The following ABTB3 variants were observed in gnomAD, a reference collection of about 807,000 sequenced individuals.
ABTB3 encodes the protein ankyrin repeat and BTB domain containing 3.
the ABTB3 span, among the ~76,000 whole-genome samples, chr12:107,333,471 A>G: frequency 8.2e-4 from 125 of 152,312 alleles, no homozygotes; most frequent in African/African-American, 3.0e-3. Flanking sequence ...AGAAGAGGAC[A>G]TGAGGCCCAC....
chr12:107,561,940 G>A, the ABTB3 span, among the ~76,000 whole-genome samples: 24 of 152,228 alleles, frequency 1.6e-4, no homozygotes, highest in Admixed American at 7.2e-4. Context: ...TTCAACTGTG[G>A]CTGATTTAGA....
the ABTB3 span, among the ~76,000 whole-genome samples, chr12:107,363,960 G>C: frequency 2.0e-5 from 3 of 152,198 alleles, no homozygotes; most frequent in Non-Finnish European, 2.9e-5. Flanking sequence ...CTTTGCTTTA[G>C]TTTCTTTTCT....
chr12:107,488,617 C>T, the ABTB3 span, among the ~76,000 whole-genome samples: 2 of 151,644 alleles, frequency 1.3e-5, no homozygotes, highest in African/African-American at 2.4e-5. Context: ...TTGAAGATTT[C>T]TGAGCAAGGA....
the ABTB3 span, among the ~76,000 whole-genome samples, chr12:107,447,052 C>A: frequency 2.0e-5 from 3 of 152,224 alleles, no homozygotes; most frequent in Non-Finnish European, 4.4e-5. Flanking sequence ...CCAGAGCAGT[C>A]GGTTCCAGAA....
the ABTB3 span, among the ~76,000 whole-genome samples, chr12:107,582,404 G>A: frequency 5.9e-5 from 9 of 152,130 alleles, no homozygotes; most frequent in Non-Finnish European, 1.2e-4. Flanking sequence ...AATAGAGTCA[G>A]GATATGAATT....
the ABTB3 span, among the ~76,000 whole-genome samples, chr12:107,503,575 T>G: frequency 6.6e-6 from 1 of 151,536 alleles, no homozygotes; most frequent in African/African-American, 2.4e-5. Context: ...CTGGACAACA[T>G]GATGAGACCC....
At chr12:107,486,916 T>C in the ABTB3 span, among the ~76,000 whole-genome samples, 1 of 152,122 alleles carries the variant, frequency 6.6e-6, no homozygotes, top group Non-Finnish European at 1.5e-5. Context: ...ATAACTTTCT[T>C]ACAGTCACAC....
At chr12:107,318,951 G>A in the ABTB3 span, 1 of 1,607,050 alleles carries the variant, frequency 6.2e-7, no homozygotes, top group South Asian at 1.1e-5. Flanking sequence ...ATGGCCAGGA[G>A]AGGTAAGAAG....
At chr12:107,623,992 A>T in the ABTB3 span, among the ~76,000 whole-genome samples, 1 of 152,146 alleles carries the variant, frequency 6.6e-6, no homozygotes, top group South Asian at 2.1e-4. Flanking sequence ...CCATGCAGAG[A>T]TCTAGGGCAA....
chr12:107,492,064 T>C, the ABTB3 span, among the ~76,000 whole-genome samples: 2 of 152,006 alleles, frequency 1.3e-5, no homozygotes, highest in Non-Finnish European at 2.9e-5. Flanking sequence ...TCGTGTTGAT[T>C]GGCTGAAGAA....
At chr12:107,431,781 G>A in the ABTB3 span, among the ~76,000 whole-genome samples, 1 of 152,208 alleles carries the variant, frequency 6.6e-6, no homozygotes, top group East Asian at 1.9e-4. Flanking sequence ...CCCTGAGGAT[G>A]ACCCTGTATG....
At chr12:107,585,976 C>T in the ABTB3 span, among the ~76,000 whole-genome samples, 48,539 of 151,996 alleles carry the variant, frequency 0.32, 8,907 homozygotes, top group African/African-American at 0.51. Context: ...TGCCCAGGAC[C>T]TAAATGTCAC....
At chr12:107,471,307 G>C in the ABTB3 span, among the ~76,000 whole-genome samples, 2 of 152,198 alleles carry the variant, frequency 1.3e-5, no homozygotes, top group Non-Finnish European at 2.9e-5. Flanking sequence ...GCAAGTGGTG[G>C]AGATAAGAGA....
At chr12:107,586,171 C>T in the ABTB3 span, among the ~76,000 whole-genome samples, 1 of 152,144 alleles carries the variant, frequency 6.6e-6, no homozygotes, top group African/African-American at 2.4e-5. Context: ...GGTCATGCTC[C>T]TGCTTTAAAG....
chr12:107,413,154 A>G, the ABTB3 span, among the ~76,000 whole-genome samples: 26 of 152,126 alleles, frequency 1.7e-4, no homozygotes, highest in South Asian at 4.0e-3. Flanking sequence ...GGCGCCTGTA[A>G]TCCCAGCTAC....
chr12:107,395,402 T>A, the ABTB3 span, among the ~76,000 whole-genome samples: 1 of 152,170 alleles, frequency 6.6e-6, no homozygotes, highest in African/African-American at 2.4e-5. Context: ...TGAATGCAGA[T>A]GAATTGCCTA....
chr12:107,544,297 T>TG, the ABTB3 span, among the ~76,000 whole-genome samples: 1 of 152,240 alleles, frequency 6.6e-6, no homozygotes, highest in Non-Finnish European at 1.5e-5. Flanking sequence ...GGGGATATCT[T>TG]AGACCCGTGT....
chr12:107,380,208 G>A, the ABTB3 span, among the ~76,000 whole-genome samples: 5 of 152,164 alleles, frequency 3.3e-5, no homozygotes, highest in African/African-American at 7.2e-5. Flanking sequence ...GCTGCTTTGC[G>A]TTTTATCACC....
chr12:107,475,893 C>T, the ABTB3 span, among the ~76,000 whole-genome samples: 1 of 152,080 alleles, frequency 6.6e-6, no homozygotes, highest in Non-Finnish European at 1.5e-5. Context: ...TTGAACAGCG[C>T]TTCAGGATGG....
Sources: gnomAD v4.1 joint callset for allele counts (sites outside exome capture counted in the v4.1 genomes callset) on GRCh38, gnomAD v4.1.1 for gene constraint, MANE v1.5 for transcripts, NCBI Gene and HGNC (gene_info 2026-07-23, HGNC 2026-07-21) for gene names.